Variants in GPC6 observed in about 807,000 individuals in gnomAD.
GPC6 encodes the protein glypican 6, also known as glypican-6.
A neutral mutation model predicts 55.2 loss-of-function variants in GPC6; 14 were observed. The ratio of observed to expected loss-of-function variants is 0.25; its 90% CI spans 0.17 to 0.40. GPC6 has a LOEUF of 0.40. Ranked by LOEUF, GPC6 falls within the 10% of genes least tolerant of loss-of-function variation. The pLI is 1.00. For synonymous variants in GPC6, 278 were observed against 259.6 expected (o/e 1.07, Z -0.68); for missense variants, 641 against 708.5 (o/e 0.90, Z 1.08).
chr13:93,568,431 G>A (rs1044960544), intron 2 of GPC6, among the ~76,000 whole-genome samples: 2 of 152,152 alleles, frequency 1.3e-5, no homozygotes, highest in Non-Finnish European at 2.9e-5. Flanking sequence ...TTGAACTGGT[G>A]AGCAAATATC....
At chr13:93,552,574 A>C (rs546578392) in intron 2 of GPC6, among the ~76,000 whole-genome samples, 1 of 151,982 alleles carries the variant, frequency 6.6e-6, no homozygotes, top group Non-Finnish European at 1.5e-5. Context: ...CTCTGGCTTC[A>C]GTGATGAACT....
rs531412902 is a variant in GPC6 at position 93,227,549 on chromosome 13, A to T, written c.93A>T (p.Gly31=). Residue 31 remains glycine, a synonymous_variant, in exon 1 of 9, where the codon GGA becomes GGT. Coordinates refer to ENST00000377047, the MANE Select transcript of GPC6 (RefSeq NM_005708.5). The surrounding 1 kb of genome is among the most constrained non-coding windows in gnomAD (Gnocchi z 4.3). The stretch of plus-strand genomic sequence containing the variant: ...CGGATGTGAAGGCTCGGAGCTGCGG[A>T]GAGGTCCGCCAGGCGTACGGTGCCA... ...AGADVKARSC[G]EVRQAYGAKG... is the part of the protein sequence containing the mutation. 13 of 1,613,350 alleles carry T rather than the reference A, an allele frequency of 8.1e-6. No homozygotes were observed. Among genetic ancestry groups the T allele is most frequent in the Non-Finnish European group, 1.1e-5 (13 of 1,179,612 alleles).
At chr13:93,300,106 G>A (rs547151397) in intron 1 of GPC6, among the ~76,000 whole-genome samples, 31 of 152,286 alleles carry the variant, frequency 2.0e-4, no homozygotes, top group African/African-American at 7.0e-4. Context: ...CAAGGTCACC[G>A]TTTACATAAC....
intron 4 of GPC6, among the ~76,000 whole-genome samples, chr13:94,052,884 C>T (rs1200540249): frequency 6.6e-6 from 1 of 152,032 alleles, no homozygotes; most frequent in Non-Finnish European, 1.5e-5. Flanking sequence ...TAGGAAAGCT[C>T]CCCTTTCTGT....
intron 3 of GPC6, among the ~76,000 whole-genome samples, chr13:94,026,994 C>T (rs1882923090): frequency 6.6e-6 from 1 of 152,148 alleles, no homozygotes; most frequent in Non-Finnish European, 1.5e-5. Context: ...TTAAATATTC[C>T]TTCCTCTTGA....
chr13:93,798,087 A>G (rs1398558207), intron 2 of GPC6, among the ~76,000 whole-genome samples: 6 of 152,142 alleles, frequency 3.9e-5, no homozygotes, highest in African/African-American at 1.2e-4. Context: ...GGGGCAAGCT[A>G]GAGTGTGGAA....
intron 6 of GPC6, among the ~76,000 whole-genome samples, chr13:94,357,929 CT>C (rs1878873787): frequency 1.3e-5 from 2 of 152,204 alleles, no homozygotes; most frequent in Non-Finnish European, 2.9e-5. Context: ...GCCCCAATGC[CT>C]AATGCGGTAT....
rs867727699 is a variant in GPC6, at chr13:93,488,539, C to T, written c.161-56724C>T. On this transcript the variant is annotated intron_variant, in intron 1 of 8. Coordinates refer to ENST00000377047, the MANE Select transcript of GPC6 (RefSeq NM_005708.5). ...TTCTAGTTTTAGATCCTTGAGGAGT[C>T]GCCACACTGTCTTCCACAATGGTTG... 2.1e-4 allele frequency among the ~76,000 whole-genome samples: 32 copies of T among 152,266 alleles called. 1 individual carries two copies. Among genetic ancestry groups the T allele is most frequent in the African/African-American group, 6.5e-4 (27 of 41,544 alleles).
chr13:94,120,416 C>T (rs1886586993), intron 4 of GPC6, among the ~76,000 whole-genome samples: 1 of 152,040 alleles, frequency 6.6e-6, no homozygotes, highest in Non-Finnish European at 1.5e-5. Flanking sequence ...AGTCACTTAC[C>T]TTAATTCCTC....
intron 3 of GPC6, among the ~76,000 whole-genome samples, chr13:93,965,714 A>T (rs1880011035): frequency 6.6e-6 from 1 of 152,054 alleles, no homozygotes; most frequent in Non-Finnish European, 1.5e-5. Context: ...ATGTGTAGAC[A>T]GCCTATTTAG....
intron 1 of GPC6, among the ~76,000 whole-genome samples, chr13:93,489,952 C>G (rs1428893441): frequency 2.0e-5 from 3 of 151,270 alleles, no homozygotes; most frequent in Non-Finnish European, 4.4e-5. Flanking sequence ...AATTGAATAC[C>G]CTTTATTTTT....
In GPC6 at chr13:94,379,676, T is replaced by C. The variant is rs111228055; in HGVS notation, c.1153-2738T>C. Among the ~76,000 whole-genome samples, 1,462 of 152,312 alleles carry C rather than the reference T, an allele frequency of 9.6e-3. 10 individuals are homozygous for C. Among genetic ancestry groups the C allele is most frequent in the Non-Finnish European group, 0.016 (1,066 of 68,024 alleles). On this transcript the variant is annotated intron_variant, in intron 6 of 8. Coordinates refer to ENST00000377047, the MANE Select transcript of GPC6 (RefSeq NM_005708.5). ...ATTTATTGAGCATGTACTGTGTGCT[T>C]AGACCTGTGTGACCAACTAATCCTG...
intron 4 of GPC6, among the ~76,000 whole-genome samples, chr13:94,212,095 C>T (rs750880326): frequency 3.8e-4 from 58 of 152,108 alleles, no homozygotes; most frequent in Non-Finnish European, 2.8e-4. Context: ...TTCTGCCCAT[C>T]GACTAAACAT....
intron 6 of GPC6, among the ~76,000 whole-genome samples, chr13:94,324,855 C>T (rs1877033026): frequency 6.6e-6 from 1 of 152,076 alleles, no homozygotes; most frequent in Non-Finnish European, 1.5e-5. Context: ...TTGTGACATG[C>T]GTGAGGATAG....
chr13:94,391,784 T>G (rs74888507), intron 7 of GPC6, among the ~76,000 whole-genome samples: 4,212 of 152,258 alleles, frequency 0.028, 88 homozygotes, highest in African/African-American at 0.047. Flanking sequence ...CTGTACCCAT[T>G]AAACATAAAT....
intron 1 of GPC6, among the ~76,000 whole-genome samples, chr13:93,516,639 C>T (rs2590525): frequency 0.94 from 143,497 of 152,216 alleles, 68,201 homozygotes; most frequent in East Asian, 1. Flanking sequence ...AGAAGAAACC[C>T]TTCAAGATAG....
At chr13:93,810,162 C>A (rs1358660459) in intron 2 of GPC6, among the ~76,000 whole-genome samples, 1 of 152,170 alleles carries the variant, frequency 6.6e-6, no homozygotes, top group African/African-American at 2.4e-5. Context: ...CTGACACTCA[C>A]AGGACATGTC....
intron 3 of GPC6, among the ~76,000 whole-genome samples, chr13:93,912,244 G>A (rs1877023539): frequency 6.6e-6 from 1 of 152,136 alleles, no homozygotes; most frequent in Non-Finnish European, 1.5e-5. Flanking sequence ...TGCTTGGAAT[G>A]TTTATATCCA....
intron 6 of GPC6, among the ~76,000 whole-genome samples, chr13:94,351,417 T>G (rs905545876): frequency 1.3e-5 from 2 of 152,080 alleles, no homozygotes; most frequent in African/African-American, 4.8e-5. Flanking sequence ...TGAAAGAGAC[T>G]GGTTTTCTAG....
Sources: gnomAD v4.1 joint callset for allele counts (sites outside exome capture counted in the v4.1 genomes callset) on GRCh38, gnomAD v4.1.1 for gene constraint, Gnocchi (gnomAD v3.1) non-coding constraint, MANE v1.5 for transcripts, NCBI Gene and HGNC (gene_info 2026-07-23, HGNC 2026-07-21) for gene names.